The following CEP57L1 variants were observed in gnomAD, a reference collection of about 807,000 sequenced individuals.
The protein encoded by CEP57L1 is centrosomal protein 57 like 1.
A neutral mutation model predicts 61.0 loss-of-function variants in CEP57L1; 37 were observed. That is an observed-to-expected ratio of 0.61 (90% CI 0.47 to 0.80). The LOEUF (loss-of-function observed/expected upper bound fraction) is 0.80, where lower values mean the gene tolerates loss of function less well. Among genes scored for constraint, CEP57L1 ranks in the 30% least tolerant of loss-of-function variants. The pLI, the probability that CEP57L1 is intolerant of heterozygous loss-of-function variation, is 0.00. For missense variants in CEP57L1, 422 were observed against 524.7 expected, an observed-to-expected ratio of 0.80 and a Z score of 1.91; for synonymous variants, 137 against 162.3, an observed-to-expected ratio of 0.84 and a Z score of 1.19.
intron 1 of CEP57L1, among the ~76,000 whole-genome samples, chr6:109,111,697 A>G (rs948914587): frequency 6.6e-6 from 1 of 152,192 alleles, no homozygotes; most frequent in Non-Finnish European, 1.5e-5. Context: ...GATGCGTTCC[A>G]TCAATACCTA....
At position 109,146,940 on chromosome 6, in the gene CEP57L1, A is replaced by G. The variant is rs1372962590; in HGVS notation, c.340+3A>G. On this transcript the variant is annotated splice_donor_region_variant and intron_variant, in intron 3 of 10. Transcript: ENST00000517392. The stretch of plus-strand genomic sequence containing the variant: ...GGAGCTGATAAAGCAGAAAAAAGGT[A>G]AGAAATGCAGTAGTTCTCAGAAACC... 1.9e-6 allele frequency: 3 copies of G among 1,603,156 alleles called. No homozygotes were observed. The highest frequency in any genetic ancestry group is 1.7e-5 in the Admixed American group (1 of 57,188).
intron 1 of CEP57L1, among the ~76,000 whole-genome samples, chr6:109,122,346 A>T (rs1773070446): frequency 6.6e-6 from 1 of 152,150 alleles, no homozygotes; most frequent in Non-Finnish European, 1.5e-5. Flanking sequence ...CTCATTCTGA[A>T]TGCTGGGTTT....
chr6:109,102,031 T>C (rs949697198), intron 1 of CEP57L1, among the ~76,000 whole-genome samples: 21 of 152,364 alleles, frequency 1.4e-4, no homozygotes, highest in African/African-American at 2.9e-4. Context: ...TTTTGGACTT[T>C]AGCTGTTCTA....
Position 109,146,870 on chromosome 6 carries a change from G to A in CEP57L1, c.273G>A (p.Lys91=), listed in dbSNP as rs778224343. The change falls in exon 3 of 11, where the codon AAG becomes AAA. Residue 91 remains lysine (K), a synonymous_variant. Transcript: ENST00000517392. ...NILSREAAQY[K]KALENETNER... is the part of the protein sequence containing the mutation. ...TTTCCAGAGAAGCAGCACAGTATAAGAAGGCCTTAGAGAATGAAACAAATG... is the reference window on the plus strand; with the variant it reads ...TTTCCAGAGAAGCAGCACAGTATAAAAAGGCCTTAGAGAATGAAACAAATG... 4 of 1,610,544 alleles carry A rather than the reference G, an allele frequency of 2.5e-6. No individual in the cohort carries two copies. Among genetic ancestry groups the A allele is most frequent in the Admixed American group, 1.7e-5 (1 of 59,458 alleles).
At chr6:109,101,543 AG>A (rs2114554810) in intron 1 of CEP57L1, among the ~76,000 whole-genome samples, 1 of 152,178 alleles carries the variant, frequency 6.6e-6, no homozygotes, top group South Asian at 2.1e-4. Context: ...TAACTCATCT[AG>A]GAATATGATT....
intron 1 of CEP57L1, among the ~76,000 whole-genome samples, chr6:109,138,949 A>AT (rs1230662858): frequency 1.3e-5 from 2 of 151,908 alleles, no homozygotes; most frequent in South Asian, 2.1e-4. Flanking sequence ...TCAGCATGTG[A>AT]TTTTTTTTCT....
In CEP57L1 at chr6:109,138,588, T is replaced by C. The variant is rs562722957; in HGVS notation, c.-3-6631T>C. On this transcript the variant is annotated intron_variant, in intron 1 of 10. Transcript: ENST00000517392. ...AGGTCCTTGACATATCCTGTTCAAT[T>C]GCTTTCCAGAAAAGTGTTATTGGTT... Among the ~76,000 whole-genome samples the C allele has an allele frequency of 8.1e-4, 123 of 152,354 alleles. 1 individual carries two copies. Among genetic ancestry groups the C allele is most frequent in the Non-Finnish European group, 1.4e-3 (96 of 68,042 alleles).
chr6:109,166,374 G>A lies in CEP57L1; in HGVS notation c.*3404G>A, dbSNP rs909481310. On this transcript the variant is annotated 3_prime_UTR_variant, in exon 11 of 11. Coordinates refer to ENST00000517392, the MANE Select transcript of CEP57L1 (RefSeq NM_001271852.3). ...TAAAAGTGTAATTTTAACTATAAAT[G>A]TATATTCTTTTTTTTTTTTTTTTGG... Among the ~76,000 whole-genome samples, 15 of 148,336 alleles carry A rather than the reference G, an allele frequency of 1.0e-4. No individual in the cohort carries two copies. The highest frequency in any genetic ancestry group is 3.7e-4 in the African/African-American group (15 of 40,342).
chr6:109,115,016 T>G (rs373848833), intron 1 of CEP57L1, among the ~76,000 whole-genome samples: 13 of 152,190 alleles, frequency 8.5e-5, no homozygotes, highest in East Asian at 5.8e-4. Context: ...AAATACAAAA[T>G]GTAAAACTAT....
At position 109,131,079 on chromosome 6, in the gene CEP57L1, T is replaced by A. The variant is rs190406562; in HGVS notation, c.-3-14140T>A. Among the ~76,000 whole-genome samples the A allele has an allele frequency of 2.6e-5, 4 of 152,334 alleles. No individual in the cohort carries two copies. The East Asian group carries it at 5.8e-4, about 22-fold the overall frequency. ...TTCATATCTATCAAGGAATGTTTTT[T>A]AAGTTAATTATAAATTACATTAAGT... On this transcript the variant is annotated intron_variant, in intron 1 of 10. Transcript: ENST00000517392.
At chr6:109,126,853 G>A (rs756728378) in intron 1 of CEP57L1, among the ~76,000 whole-genome samples, 3 of 152,124 alleles carry the variant, frequency 2.0e-5, no homozygotes, top group Non-Finnish European at 4.4e-5. Context: ...TAAAAGATTG[G>A]CATTACTTTG....
chr6:109,155,431 C>T, intron 6 of CEP57L1, 124 bp downstream of exon 6: 1 of 531,392 alleles, frequency 1.9e-6, no homozygotes, highest in African/African-American at 2.0e-5. Context: ...CTTTTCGTTA[C>T]AATAATGAAA....
At chr6:109,116,127 G>GTGTTA (rs34528428) in intron 1 of CEP57L1, among the ~76,000 whole-genome samples, 13,514 of 135,364 alleles carry the variant, frequency 0.1, 715 homozygotes, top group Non-Finnish European at 0.11. Flanking sequence ...GTTATGTGTT[G>GTGTTA]TGTTATGTTA....
intron 2 of CEP57L1, 112 bp downstream of exon 2, chr6:109,145,493 T>C (rs965067976): frequency 1.4e-6 from 1 of 695,720 alleles, no homozygotes; most frequent in African/African-American, 1.8e-5. Context: ...ACTCCTAACT[T>C]TGATTCTGTT....
At chr6:109,150,001 A>C (rs1772417082) in intron 3 of CEP57L1, 117 bp from the exon 4 acceptor site, 1 of 480,846 alleles carries the variant, frequency 2.1e-6, no homozygotes, top group African/African-American at 2.0e-5. Flanking sequence ...GTTGCTTATC[A>C]GCTTAAGGAG....
intron 1 of CEP57L1, among the ~76,000 whole-genome samples, chr6:109,121,656 C>G (rs1316849160): frequency 6.6e-6 from 1 of 152,086 alleles, no homozygotes; most frequent in East Asian, 1.9e-4. Flanking sequence ...GATGAATTTT[C>G]CAATTTCATT....
rs938297906 is a variant in CEP57L1, at chr6:109,150,606, G to C, written c.462+367G>C. Among the ~76,000 whole-genome samples, 3 of 150,724 alleles carry C rather than the reference G, an allele frequency of 2.0e-5. No homozygotes were observed. The East Asian group carries it at 5.9e-4, about 29-fold the overall frequency. On this transcript the variant is annotated intron_variant, in intron 4 of 10. Transcript: ENST00000517392. ...GAACCCGGGAGGCAGAGGTTGCAGTGAGCTGAGATTGTGCCGTTGCACTGC... is the reference window on the plus strand; with the variant it reads ...GAACCCGGGAGGCAGAGGTTGCAGTCAGCTGAGATTGTGCCGTTGCACTGC...
chr6:109,157,750 A>G (rs1039624574), intron 7 of CEP57L1: 4 of 152,200 alleles, frequency 2.6e-5, no homozygotes, highest in African/African-American at 9.6e-5. Context: ...TATTCTATAA[A>G]CAGGAACTAT....
chr6:109,112,211 G>A (rs1771733531), intron 1 of CEP57L1, among the ~76,000 whole-genome samples: 2 of 152,054 alleles, frequency 1.3e-5, no homozygotes, highest in African/African-American at 4.8e-5. Context: ...ACCTGTTATT[G>A]GTCTATTCCG....
Sources: allele counts gnomAD v4.1 joint callset (sites outside exome capture counted in the v4.1 genomes callset), GRCh38; gene constraint gnomAD v4.1.1; transcripts MANE v1.5; gene names NCBI Gene and HGNC (gene_info 2026-07-23, HGNC 2026-07-21).